Variants in WDR70 observed in about 807,000 individuals in gnomAD.
WDR70 encodes the protein WD repeat-containing protein 70.
A neutral mutation model predicts 88.6 loss-of-function variants in WDR70; 53 were observed. The ratio of observed to expected loss-of-function variants is 0.60; its 90% CI spans 0.48 to 0.75. The LOEUF is 0.75. Among genes scored for constraint, WDR70 ranks in the 30% least tolerant of loss-of-function variants. The pLI, the probability that WDR70 is intolerant of heterozygous loss-of-function variation, is 0.00. For missense variants in WDR70, 610 were observed against 823.2 expected (o/e 0.74, Z 3.17); for synonymous variants, 280 against 270.0 (o/e 1.04, Z -0.36).
chr5:37,539,167 A>G (rs1741744753), intron 9 of WDR70, among the ~76,000 whole-genome samples: 1 of 152,188 alleles, frequency 6.6e-6, no homozygotes, highest in Non-Finnish European at 1.5e-5. Flanking sequence ...TGTCATATTT[A>G]CATCTTTGAT....
At chr5:37,606,460 C>A (rs1744034327) in intron 10 of WDR70, among the ~76,000 whole-genome samples, 1 of 152,202 alleles carries the variant, frequency 6.6e-6, no homozygotes, top group African/African-American at 2.4e-5. Context: ...ATAAAACATG[C>A]AGTTTTCTTG....
intron 8 of WDR70, chr5:37,506,941 C>T (rs985719036): frequency 2.6e-6 from 2 of 758,298 alleles, no homozygotes; most frequent in Non-Finnish European, 4.8e-6. Flanking sequence ...CCACCTTTCC[C>T]TTCCCTCCAC....
intron 16 of WDR70, 103 bp downstream of exon 16, chr5:37,725,153 C>A: frequency 1.1e-6 from 1 of 893,378 alleles, no homozygotes; most frequent in East Asian, 2.5e-5. Context: ...GCTTCTTTGT[C>A]TTCAGAGAGA....
chr5:37,480,528 A>T (rs1739631323), intron 8 of WDR70, among the ~76,000 whole-genome samples: 1 of 152,204 alleles, frequency 6.6e-6, no homozygotes, highest in African/African-American at 2.4e-5. Context: ...GGCAGGCAGG[A>T]GAGAGCATGT....
chr5:37,572,751 T>C (rs1742944838), intron 9 of WDR70, among the ~76,000 whole-genome samples: 1 of 152,202 alleles, frequency 6.6e-6, no homozygotes, highest in Admixed American at 6.5e-5. Flanking sequence ...CCATCAGTTC[T>C]CAACAGATCT....
intron 10 of WDR70, chr5:37,687,907 C>T (rs1581497565): frequency 7.3e-6 from 5 of 680,428 alleles, no homozygotes; most frequent in East Asian, 2.7e-5. Flanking sequence ...TTTTCTTCTC[C>T]AGAGCAACAA....
chr5:37,569,743 AAT>A (rs1742846968), intron 9 of WDR70, among the ~76,000 whole-genome samples: 2 of 152,284 alleles, frequency 1.3e-5, no homozygotes, highest in South Asian at 4.1e-4. Context: ...AGCAAGGTAA[AAT>A]ACAGTGGAAT....
At chr5:37,531,158 C>T (rs1239357825) in intron 9 of WDR70, among the ~76,000 whole-genome samples, 1 of 151,958 alleles carries the variant, frequency 6.6e-6, no homozygotes, top group Non-Finnish European at 1.5e-5. Flanking sequence ...TGAGAGAGTA[C>T]TCGATATAAT....
At chr5:37,750,197 A>G (rs1317948133) in intron 17 of WDR70, among the ~76,000 whole-genome samples, 2 of 152,138 alleles carry the variant, frequency 1.3e-5, no homozygotes, top group Non-Finnish European at 2.9e-5. Flanking sequence ...GATGTTAGCC[A>G]TCAACCTCCT....
chr5:37,516,726 T>TA (rs1491189464), intron 9 of WDR70, 136 bp downstream of exon 9: 990 of 73,244 alleles, frequency 0.014, 2 homozygotes, highest in African/African-American at 0.024. Context: ...TATATATATA[T>TA]TTTTTTTTTT....
intron 9 of WDR70, among the ~76,000 whole-genome samples, chr5:37,536,022 C>T (rs1411307474): frequency 6.6e-6 from 1 of 152,120 alleles, no homozygotes; most frequent in Non-Finnish European, 1.5e-5. Flanking sequence ...AAACATGTTG[C>T]AGTATTCTCC....
intron 5 of WDR70, among the ~76,000 whole-genome samples, chr5:37,423,320 C>T (rs1394512944): frequency 6.7e-6 from 1 of 148,506 alleles, no homozygotes; most frequent in Non-Finnish European, 1.5e-5. Context: ...AGGAGAGTTA[C>T]TGTGGTGGAG....
chr5:37,733,976 G>A (rs956706946), intron 17 of WDR70, among the ~76,000 whole-genome samples: 12 of 151,960 alleles, frequency 7.9e-5, no homozygotes, highest in African/African-American at 2.9e-4. Context: ...TGGAAATACT[G>A]TGCAGCTACA....
chr5:37,528,911 T>TG (rs1339312251), intron 9 of WDR70, among the ~76,000 whole-genome samples: 1 of 149,610 alleles, frequency 6.7e-6, no homozygotes, highest in African/African-American at 2.4e-5. Context: ...AGAGGGGGTT[T>TG]TTTTTTTTTT....
At chr5:37,635,940 C>T (rs184325681) in intron 10 of WDR70, among the ~76,000 whole-genome samples, 27 of 152,266 alleles carry the variant, frequency 1.8e-4, no homozygotes, top group East Asian at 1.2e-3. Flanking sequence ...CCTCTTCACA[C>T]GGCACTTCTT....
At chr5:37,416,322 A>C (rs1027869244) in intron 5 of WDR70, among the ~76,000 whole-genome samples, 1 of 152,220 alleles carries the variant, frequency 6.6e-6, no homozygotes, top group Admixed American at 6.5e-5. Flanking sequence ...CAGCCTGGGC[A>C]ACACAGCGAA....
chr5:37,726,812 T>C (rs1747982627), intron 16 of WDR70, 71 bp from the exon 17 acceptor site: 1 of 1,426,830 alleles, frequency 7.0e-7, no homozygotes, highest in African/African-American at 1.4e-5. Flanking sequence ...ATAAGTACAG[T>C]GTACACAGAT....
intron 9 of WDR70, among the ~76,000 whole-genome samples, chr5:37,596,860 A>T (rs756240554): frequency 2.0e-5 from 3 of 152,120 alleles, no homozygotes; most frequent in Admixed American, 6.6e-5. Flanking sequence ...CTCTTTATAG[A>T]AACCCCTCCA....
intron 10 of WDR70, among the ~76,000 whole-genome samples, chr5:37,662,445 C>T (rs879025814): frequency 4.6e-5 from 7 of 152,078 alleles, no homozygotes; most frequent in Admixed American, 2.0e-4. Flanking sequence ...AAGGGGAAAA[C>T]GACCTGACCT....
Sources: gnomAD v4.1 joint callset for allele counts (sites outside exome capture counted in the v4.1 genomes callset) on GRCh38, gnomAD v4.1.1 for gene constraint, MANE v1.5 for transcripts, NCBI Gene and HGNC (gene_info 2026-07-23, HGNC 2026-07-21) for gene names.